The following NEGR1 variants were observed in gnomAD, a reference collection of about 807,000 sequenced individuals.
NEGR1 encodes the protein IgLON family member 4.
NEGR1 carries 10 observed loss-of-function variants against 40.9 expected under a neutral mutation model. The ratio of observed to expected loss-of-function variants is 0.24; its 90% CI spans 0.15 to 0.42. The LOEUF (loss-of-function observed/expected upper bound fraction) is 0.42. Ranked by LOEUF, NEGR1 falls within the 10% of genes least tolerant of loss-of-function variation. The probability of loss-of-function intolerance (pLI) is 1.00; values close to 1 mark genes in which losing one functional copy is unlikely to be tolerated. For synonymous variants in NEGR1, 185 were observed against 166.8 expected, an observed-to-expected ratio of 1.11 and a Z score of -0.84; for missense variants, 352 against 438.9, an observed-to-expected ratio of 0.80 and a Z score of 1.77.
chr1:71,444,053 T>C (rs1437971764), intron 6 of NEGR1, among the ~76,000 whole-genome samples: 4 of 152,214 alleles, frequency 2.6e-5, no homozygotes, highest in African/African-American at 9.6e-5. Context: ...TCAATTATTA[T>C]AGGTAACTAA....
At chr1:71,920,881 T>A (rs1330878314) in intron 2 of NEGR1, among the ~76,000 whole-genome samples, 1 of 152,320 alleles carries the variant, frequency 6.6e-6, no homozygotes, top group East Asian at 1.9e-4. Context: ...GTTATTTTTC[T>A]TAAAGTTTCA....
chr1:71,757,718 C>A (rs1451163184), intron 3 of NEGR1, among the ~76,000 whole-genome samples: 1 of 151,984 alleles, frequency 6.6e-6, no homozygotes, highest in Admixed American at 6.6e-5. Flanking sequence ...GTCTGGAAAT[C>A]ATTCTGGTGA....
chr1:72,219,275 A>G (rs988156150), intron 1 of NEGR1, among the ~76,000 whole-genome samples: 2 of 152,198 alleles, frequency 1.3e-5, no homozygotes, highest in African/African-American at 4.8e-5. Context: ...ACTTGTTGCC[A>G]TCAATAATAA....
At chr1:71,551,058 G>A (rs357235) in intron 6 of NEGR1, among the ~76,000 whole-genome samples, 151,044 of 151,664 alleles carry the variant, frequency 1, 75,212 homozygotes, top group Middle Eastern at 1. Flanking sequence ...GAATTTCTAT[G>A]TATATTGTTT....
intron 1 of NEGR1, among the ~76,000 whole-genome samples, chr1:72,225,607 T>C (rs1654166839): frequency 6.6e-6 from 1 of 151,510 alleles, no homozygotes; most frequent in Non-Finnish European, 1.5e-5. Context: ...ACTGAGACTA[T>C]TCTAAATAGA....
intron 1 of NEGR1, among the ~76,000 whole-genome samples, chr1:72,055,970 A>G (rs1412000855): frequency 6.6e-6 from 1 of 150,532 alleles, no homozygotes; most frequent in African/African-American, 2.4e-5. Context: ...TTTCCACTTT[A>G]TTATTCCTAA....
At chr1:71,738,691 C>T (rs959895475) in intron 3 of NEGR1, among the ~76,000 whole-genome samples, 1 of 152,016 alleles carries the variant, frequency 6.6e-6, no homozygotes, top group Non-Finnish European at 1.5e-5. Flanking sequence ...TGGCGGGGAG[C>T]CAGGACAACC....
chr1:72,136,167 A>G (rs1650455474), intron 1 of NEGR1, among the ~76,000 whole-genome samples: 1 of 152,194 alleles, frequency 6.6e-6, no homozygotes, highest in African/African-American at 2.4e-5. Context: ...GAAGGAAAAT[A>G]TATCAATCAA....
chr1:71,747,352 A>C (rs1226907309), intron 3 of NEGR1, among the ~76,000 whole-genome samples: 2 of 152,200 alleles, frequency 1.3e-5, no homozygotes, highest in Non-Finnish European at 2.9e-5. Flanking sequence ...CAATATTAAA[A>C]CATAAAAATA....
At chr1:72,281,988 G>T (rs926706842) in intron 1 of NEGR1, among the ~76,000 whole-genome samples, 1 of 152,114 alleles carries the variant, frequency 6.6e-6, no homozygotes, top group African/African-American at 2.4e-5. Flanking sequence ...AGACTCTCCA[G>T]GAGTACCCCA....
intron 1 of NEGR1, among the ~76,000 whole-genome samples, chr1:72,139,533 T>G (rs1650594003): frequency 1.3e-5 from 2 of 152,038 alleles, no homozygotes; most frequent in Admixed American, 1.3e-4. Context: ...ATTTAACAAG[T>G]TTGATGAAAT....
chr1:71,776,321 A>T (rs1656506806), intron 2 of NEGR1, 24 bp from the exon 3 acceptor site: 2 of 1,468,248 alleles, frequency 1.4e-6, no homozygotes, highest in Non-Finnish European at 1.8e-6. Context: ...ATACGCAGTG[A>T]TTAGAAAAAA....
At chr1:71,709,990 CT>C (rs1654026865) in intron 3 of NEGR1, among the ~76,000 whole-genome samples, 1 of 152,162 alleles carries the variant, frequency 6.6e-6, no homozygotes, top group African/African-American at 2.4e-5. Flanking sequence ...AAGTACCCCT[CT>C]GACAAGGGAT....
chr1:71,993,475 T>G (rs1296089938), intron 1 of NEGR1, among the ~76,000 whole-genome samples: 1 of 152,050 alleles, frequency 6.6e-6, no homozygotes, highest in African/African-American at 2.4e-5. Flanking sequence ...TTGACAAAAT[T>G]TACTCGTTAA....
intron 6 of NEGR1, among the ~76,000 whole-genome samples, chr1:71,534,975 T>G (rs1376137109): frequency 6.6e-6 from 1 of 151,264 alleles, no homozygotes; most frequent in Non-Finnish European, 1.5e-5. Flanking sequence ...AATAGTCTCT[T>G]AAAATTTTTT....
rs1646287141 is a variant in NEGR1, at chr1:71,407,664, G to A, written c.941-94C>T. The A allele has an allele frequency of 3.3e-6, 4 of 1,204,972 alleles. No homozygotes were observed. In the South Asian group the frequency reaches 4.0e-5, roughly 12 times the overall value. 74.6% of individuals were successfully genotyped at this position (1,204,972 alleles called of 1,614,324 possible). Reference sequence around the variant, plus strand: ...AAGGTAGCCAGGTGCATCGGGGAAAGCACTGACATTGGAGTCAGACAGACT... The same window carrying A: ...AAGGTAGCCAGGTGCATCGGGGAAAACACTGACATTGGAGTCAGACAGACT... On this transcript the variant is annotated intron_variant, in intron 6 of 6. Transcript: ENST00000357731.
intron 6 of NEGR1, among the ~76,000 whole-genome samples, chr1:71,411,272 C>A (rs1245537047): frequency 3.3e-5 from 5 of 152,084 alleles, no homozygotes; most frequent in Non-Finnish European, 7.4e-5. Flanking sequence ...ATACTTTGAC[C>A]TGTACAGGTC....
At chr1:71,464,832 T>C (rs901908328) in intron 6 of NEGR1, among the ~76,000 whole-genome samples, 2 of 152,096 alleles carry the variant, frequency 1.3e-5, no homozygotes, top group Non-Finnish European at 2.9e-5. Flanking sequence ...TTGAAGGAAG[T>C]CTACACAGTG....
chr1:71,801,878 C>G lies in NEGR1; in HGVS notation c.410-25581G>C, dbSNP rs112301723. ...AGGGTTCTGAAAGAAAAGAGGAAGA[C>G]AGTAGTGCAAGCTATTATTGTTTTA... On this transcript the variant is annotated intron_variant, in intron 2 of 6. Coordinates refer to ENST00000357731, the MANE Select transcript of NEGR1 (RefSeq NM_173808.3). Among the ~76,000 whole-genome samples the G allele has an allele frequency of 1.8e-3, 270 of 152,232 alleles. 1 individual carries two copies. Among genetic ancestry groups the G allele is most frequent in the African/African-American group, 6.3e-3 (263 of 41,548 alleles).
Sources: gnomAD v4.1 joint callset for allele counts (sites outside exome capture counted in the v4.1 genomes callset) on GRCh38, gnomAD v4.1.1 for gene constraint, MANE v1.5 for transcripts, NCBI Gene and HGNC (gene_info 2026-07-23, HGNC 2026-07-21) for gene names.